Variants in PITPNC1 observed in about 807,000 individuals in gnomAD.
PITPNC1 encodes the protein cytoplasmic phosphatidylinositol transfer protein 1.
In PITPNC1, 18 loss-of-function variants were observed where a neutral mutation model predicts 44.7. The ratio of observed to expected loss-of-function variants is 0.40; its 90% CI spans 0.28 to 0.60. PITPNC1 has a LOEUF of 0.60. Among genes scored for constraint, PITPNC1 ranks in the 20% least tolerant of loss-of-function variants. The probability of loss-of-function intolerance (pLI) is 0.39; values close to 1 mark genes in which losing one functional copy is unlikely to be tolerated. For synonymous variants in PITPNC1, 141 were observed against 149.6 expected, an observed-to-expected ratio of 0.94 and a Z score of 0.42; for missense variants, 290 against 418.4, an observed-to-expected ratio of 0.69 and a Z score of 2.68.
At chr17:67,547,584 T>C (rs1291066658) in intron 2 of PITPNC1, among the ~76,000 whole-genome samples, 3 of 152,084 alleles carry the variant, frequency 2.0e-5, no homozygotes, top group Non-Finnish European at 4.4e-5. Context: ...GTTGAGAAAA[T>C]GAAATTAGAC....
intron 1 of PITPNC1, among the ~76,000 whole-genome samples, chr17:67,512,900 A>G (rs919161245): frequency 3.3e-5 from 5 of 152,138 alleles, no homozygotes; most frequent in African/African-American, 1.2e-4. Flanking sequence ...TATTCAATAT[A>G]TCCGGAGTTA....
chr17:67,517,132 T>G (rs2040269577), intron 1 of PITPNC1, among the ~76,000 whole-genome samples: 1 of 152,256 alleles, frequency 6.6e-6, no homozygotes, highest in African/African-American at 2.4e-5. Flanking sequence ...GCCATGTGGC[T>G]GGAGAGCTGC....
intron 1 of PITPNC1, among the ~76,000 whole-genome samples, chr17:67,487,031 TA>T (rs200197195): frequency 1.0e-4 from 15 of 146,376 alleles, no homozygotes; most frequent in South Asian, 6.5e-4. Flanking sequence ...AGACTCTGTC[TA>T]AAAAAAAAAG....
chr17:67,669,555 G>A lies in PITPNC1; in HGVS notation c.510G>A (p.Arg170=), dbSNP rs757418828. The A allele has an allele frequency of 3.7e-6, 6 of 1,611,250 alleles. No homozygotes were observed. In the Admixed American group the frequency reaches 5.0e-5, roughly 13 times the overall value. ...AGAAGACAGGACGGGGACAGTTGAG[G>A]GAAGGCTGGAGAGATAGTCATCAGC... ...KSEKTGRGQL[R]EGWRDSHQPI... is the part of the protein sequence containing the mutation. The change falls in exon 7 of 9, where the codon AGG becomes AGA. Residue 170 remains arginine, a synonymous_variant. Coordinates refer to ENST00000581322, the MANE Select transcript of PITPNC1 (RefSeq NM_012417.4).
intron 5 of PITPNC1, among the ~76,000 whole-genome samples, chr17:67,593,058 A>G (rs775342600): frequency 1.3e-5 from 2 of 152,148 alleles, no homozygotes; most frequent in African/African-American, 2.4e-5. Context: ...GAAAGAAAAG[A>G]ATGGATCCCT....
At chr17:67,458,413 T>A (rs1321703434) in intron 1 of PITPNC1, among the ~76,000 whole-genome samples, 1 of 152,196 alleles carries the variant, frequency 6.6e-6, no homozygotes, top group Admixed American at 6.5e-5. Context: ...CTCAGATCTG[T>A]CTTCCATTTT....
intron 1 of PITPNC1, among the ~76,000 whole-genome samples, chr17:67,403,223 A>C (rs1286943053): frequency 8.7e-6 from 1 of 114,344 alleles, no homozygotes; most frequent in Non-Finnish European, 1.6e-5. Context: ...CTCTACAAAA[A>C]AAAAAAAAAA....
intron 4 of PITPNC1, among the ~76,000 whole-genome samples, chr17:67,564,420 C>T (rs2040947724): frequency 6.6e-6 from 1 of 151,990 alleles, no homozygotes; most frequent in Admixed American, 6.6e-5. Flanking sequence ...GGAGTGTGTC[C>T]CCACTCCAGC....
At chr17:67,455,490 G>A (rs1441178925) in intron 1 of PITPNC1, among the ~76,000 whole-genome samples, 5 of 152,028 alleles carry the variant, frequency 3.3e-5, no homozygotes, top group African/African-American at 9.7e-5. Context: ...ATGCAATCCC[G>A]GCTCACTGCA....
intron 1 of PITPNC1, among the ~76,000 whole-genome samples, chr17:67,498,221 C>G (rs1434154039): frequency 6.6e-6 from 1 of 152,088 alleles, no homozygotes; most frequent in Non-Finnish European, 1.5e-5. Flanking sequence ...AACTGGCTCC[C>G]TCATATCTCT....
intron 1 of PITPNC1, among the ~76,000 whole-genome samples, chr17:67,495,037 GTTGTTTTTTTTTTTGTTTTT>G (rs2039926172): frequency 3.8e-5 from 3 of 79,376 alleles, no homozygotes; most frequent in Non-Finnish European, 7.1e-5. Flanking sequence ...GAGCCATGGA[GTTGTTTTTTTTTTTGTTTTT>G]TTTTTTTTTT....
chr17:67,636,966 T>C, intron 6 of PITPNC1, among the ~76,000 whole-genome samples: 1 of 152,100 alleles, frequency 6.6e-6, no homozygotes, highest in Non-Finnish European at 1.5e-5. Context: ...CACACAGGAC[T>C]CCCCCTTTCT....
chr17:67,583,102 G>A (rs943452348), intron 5 of PITPNC1, among the ~76,000 whole-genome samples: 8 of 152,164 alleles, frequency 5.3e-5, no homozygotes, highest in African/African-American at 1.9e-4. Context: ...GCGCAGGCTG[G>A]TCTAAACCAG....
intron 1 of PITPNC1, among the ~76,000 whole-genome samples, chr17:67,503,696 G>C (rs1233727083): frequency 6.6e-6 from 1 of 152,158 alleles, no homozygotes; most frequent in Non-Finnish European, 1.5e-5. Context: ...GAGAGGGGAA[G>C]TGTGGATGAT....
chr17:67,542,585 G>A (rs1168871087), intron 2 of PITPNC1, among the ~76,000 whole-genome samples: 1 of 152,190 alleles, frequency 6.6e-6, no homozygotes, highest in Non-Finnish European at 1.5e-5. Context: ...TCAAGGTAGG[G>A]TCCAAGGCAT....
chr17:67,485,266 G>T (rs1288162752), intron 1 of PITPNC1, among the ~76,000 whole-genome samples: 1 of 152,064 alleles, frequency 6.6e-6, no homozygotes, highest in Non-Finnish European at 1.5e-5. Flanking sequence ...ATGCTGGAAG[G>T]CATGGATGCT....
intron 5 of PITPNC1, among the ~76,000 whole-genome samples, chr17:67,606,553 C>A (rs79396827): frequency 1.3e-5 from 2 of 152,202 alleles, no homozygotes; most frequent in Non-Finnish European, 2.9e-5. Context: ...GATGACGAGG[C>A]GTAAAGTGAG....
intron 6 of PITPNC1, among the ~76,000 whole-genome samples, chr17:67,663,718 A>AT (rs1715466706): frequency 1.3e-5 from 2 of 152,124 alleles, no homozygotes; most frequent in Admixed American, 1.3e-4. Flanking sequence ...ATTATATGCA[A>AT]ATTAAGGGGT....
intron 6 of PITPNC1, among the ~76,000 whole-genome samples, chr17:67,651,322 G>A (rs1386104697): frequency 6.6e-6 from 1 of 152,144 alleles, no homozygotes; most frequent in Non-Finnish European, 1.5e-5. Context: ...AGACCAGCCT[G>A]GCCAACATGG....
Sources: allele counts gnomAD v4.1 joint callset (sites outside exome capture counted in the v4.1 genomes callset), GRCh38; gene constraint gnomAD v4.1.1; transcripts MANE v1.5; gene names NCBI Gene and HGNC (gene_info 2026-07-23, HGNC 2026-07-21).